The following WDR35 variants were observed in gnomAD, a reference collection of about 807,000 sequenced individuals.
WDR35 encodes the protein WD repeat-containing protein 35.
A neutral mutation model predicts 158.3 loss-of-function variants in WDR35; 118 were observed. The ratio of observed to expected loss-of-function variants is 0.75; its 90% CI spans 0.64 to 0.87. WDR35 has a LOEUF of 0.87. Among genes scored for constraint, WDR35 ranks in the 40% least tolerant of loss-of-function variants. The probability of loss-of-function intolerance (pLI) is 0.00; values close to 1 mark genes in which losing one functional copy is unlikely to be tolerated. For synonymous variants in WDR35, 448 were observed against 476.1 expected, an observed-to-expected ratio of 0.94 and a Z score of 0.77; for missense variants, 1,263 against 1,405.8, an observed-to-expected ratio of 0.90 and a Z score of 1.62.
At chr2:19,958,286 T>C (rs1671512859) in intron 11 of WDR35, among the ~76,000 whole-genome samples, 1 of 152,202 alleles carries the variant, frequency 6.6e-6, no homozygotes, top group African/African-American at 2.4e-5. Context: ...TTTCTTTCCT[T>C]GAAATATCAC....
chr2:19,979,741 C>A (rs1427190602), intron 4 of WDR35, among the ~76,000 whole-genome samples: 1 of 150,122 alleles, frequency 6.7e-6, no homozygotes, highest in Non-Finnish European at 1.5e-5. Flanking sequence ...AAAGTTTACT[C>A]CAGTCCACTG....
At chr2:19,945,610 CT>C (rs1671019635) in intron 16 of WDR35, among the ~76,000 whole-genome samples, 175 bp downstream of exon 16, 1 of 152,080 alleles carries the variant, frequency 6.6e-6, no homozygotes, top group Non-Finnish European at 1.5e-5. Context: ...ATTTTCTCAC[CT>C]AAGACCAAAT....
Position 19,957,838 on chromosome 2 carries a change from C to A in WDR35, c.1255+2716G>T, listed in dbSNP as rs548096386. Reference sequence around the variant, plus strand: ...AAAGTGCTGGGATTACAGGAGTGAGCCACCATGCCCAGCTTGGAAAAAAAG... The same window carrying A: ...AAAGTGCTGGGATTACAGGAGTGAGACACCATGCCCAGCTTGGAAAAAAAG... On this transcript the variant is annotated intron_variant, in intron 11 of 26. Transcript: ENST00000281405. Among the ~76,000 whole-genome samples, 35 of 152,220 alleles carry A rather than the reference C, an allele frequency of 2.3e-4. No homozygotes were observed. In the South Asian group the frequency reaches 7.3e-3, roughly 32 times the overall value.
intron 7 of WDR35, 76 bp downstream of exon 7, chr2:19,974,390 CAG>C: frequency 7.2e-7 from 1 of 1,391,682 alleles, no homozygotes; most frequent in South Asian, 1.4e-5. Context: ...GCCTGGGCGA[CAG>C]AGTGAGACTC....
chr2:19,958,924 T>G (rs1286015172), intron 11 of WDR35, among the ~76,000 whole-genome samples: 3 of 152,160 alleles, frequency 2.0e-5, no homozygotes, highest in Non-Finnish European at 2.9e-5. Flanking sequence ...CTACAAAAAT[T>G]ATAAAGAGGA....
intron 11 of WDR35, among the ~76,000 whole-genome samples, chr2:19,958,878 C>T (rs577888175): frequency 6.6e-6 from 1 of 152,232 alleles, no homozygotes; most frequent in South Asian, 2.1e-4. Context: ...ACAAACTACA[C>T]TTCTATAATA....
At chr2:19,941,578 G>T (rs1423931143) in intron 17 of WDR35, among the ~76,000 whole-genome samples, 181 bp downstream of exon 17, 1 of 152,136 alleles carries the variant, frequency 6.6e-6, no homozygotes, top group Non-Finnish European at 1.5e-5. Context: ...TTACAGGAAA[G>T]TAAAGTGAAG....
At chr2:19,946,594 T>G (rs531188812) in intron 14 of WDR35, 24 bp from the exon 15 acceptor site, 3 of 1,584,972 alleles carry the variant, frequency 1.9e-6, no homozygotes, top group South Asian at 2.2e-5. Flanking sequence ...TTTTGATTAC[T>G]TAAGCATACG....
chr2:19,938,545 C>T (rs192161588), intron 17 of WDR35, 144 bp from the exon 18 acceptor site: 87 of 1,129,402 alleles, frequency 7.7e-5, no homozygotes, highest in Admixed American at 6.8e-4. Context: ...GAAATCTTCA[C>T]GTTTGGGTCT....
chr2:19,920,447 A>T (rs538450957), intron 25 of WDR35, among the ~76,000 whole-genome samples: 1 of 152,350 alleles, frequency 6.6e-6, no homozygotes, highest in East Asian at 1.9e-4. Flanking sequence ...AATAAATATA[A>T]TCCACCACAT....
At chr2:19,921,466 A>G (rs1670166019) in intron 25 of WDR35, among the ~76,000 whole-genome samples, 1 of 152,216 alleles carries the variant, frequency 6.6e-6, no homozygotes, top group South Asian at 2.1e-4. Context: ...TGACAAAAAC[A>G]AGAAATGGGG....
chr2:19,987,889 CAT>C (rs199984409), intron 2 of WDR35, among the ~76,000 whole-genome samples: 16 of 146,506 alleles, frequency 1.1e-4, no homozygotes, highest in South Asian at 4.3e-4. Context: ...TACAGACACA[CAT>C]ATATATATAT....
chr2:19,944,042 T>C (rs1047764122), intron 16 of WDR35, among the ~76,000 whole-genome samples: 98 of 152,212 alleles, frequency 6.4e-4, no homozygotes, highest in African/African-American at 2.1e-3. Context: ...AATATAATAG[T>C]ATGTAAAACA....
intron 2 of WDR35, 84 bp from the exon 3 acceptor site, chr2:19,982,618 C>G: frequency 7.1e-7 from 1 of 1,399,276 alleles, no homozygotes; most frequent in African/African-American, 1.4e-5. Flanking sequence ...TATTCCTGGG[C>G]AGTATTAATC....
chr2:19,913,833 A>G, intron 26 of WDR35, 125 bp from the exon 27 acceptor site: 2 of 1,450,898 alleles, frequency 1.4e-6, no homozygotes, highest in Non-Finnish European at 1.9e-6. Context: ...ACTTTCATTT[A>G]AAAAAGTTAT....
chr2:19,984,918 G>A (rs189656142), intron 2 of WDR35, among the ~76,000 whole-genome samples: 98 of 152,272 alleles, frequency 6.4e-4, no homozygotes, highest in African/African-American at 2.1e-3. Flanking sequence ...AGAAAGAGAT[G>A]GTACCATATT....
intron 4 of WDR35, among the ~76,000 whole-genome samples, chr2:19,979,771 C>CTACA (rs1672325158): frequency 1.7e-5 from 1 of 59,244 alleles, no homozygotes; most frequent in African/African-American, 5.7e-5. Flanking sequence ...ATTCTATCCC[C>CTACA]TACACACACA....
intron 3 of WDR35, 49 bp downstream of exon 3, chr2:19,982,414 A>C: frequency 6.4e-7 from 1 of 1,562,090 alleles, no homozygotes; most frequent in Non-Finnish European, 8.8e-7. Context: ...AACTTTCTAA[A>C]TGCCTAAATA....
At chr2:19,931,189 T>C in intron 24 of WDR35, 80 bp downstream of exon 24, 1 of 1,494,440 alleles carries the variant, frequency 6.7e-7, no homozygotes, top group Non-Finnish European at 9.1e-7. Flanking sequence ...GACCTATCCA[T>C]AAAAGAAGTT....
Sources: gnomAD v4.1 joint callset for allele counts (sites outside exome capture counted in the v4.1 genomes callset) on GRCh38, gnomAD v4.1.1 for gene constraint, MANE v1.5 for transcripts, NCBI Gene and HGNC (gene_info 2026-07-23, HGNC 2026-07-21) for gene names.